Variants in CLTC observed in about 807,000 individuals in gnomAD.
CLTC encodes the protein clathrin heavy chain 1.
In CLTC, 16 loss-of-function variants were observed where a neutral mutation model predicts 195.8. That is an observed-to-expected ratio of 0.08 (90% CI 0.06 to 0.12). CLTC has a LOEUF of 0.12. Among genes scored for constraint, CLTC ranks in the 10% least tolerant of loss-of-function variants. The pLI, the probability that CLTC is intolerant of heterozygous loss-of-function variation, is 1.00. For missense variants in CLTC, 796 were observed against 2,027.0 expected (o/e 0.39, Z 11.66); for synonymous variants, 667 against 689.4 (o/e 0.97, Z 0.51).
intron 5 of CLTC, 44 bp from the exon 6 acceptor site, chr17:59,655,810 T>A (rs1260633435): frequency 6.9e-7 from 1 of 1,443,902 alleles, no homozygotes; most frequent in Non-Finnish European, 9.2e-7. Context: ...ATTTTCTGTT[T>A]GTAGATTCAT....
intron 1 of CLTC, among the ~76,000 whole-genome samples, chr17:59,634,239 G>A (rs1231764028): frequency 6.6e-6 from 1 of 152,060 alleles, no homozygotes; most frequent in Non-Finnish European, 1.5e-5. Context: ...CATTTGGTAG[G>A]TTTGGATATA....
chr17:59,636,784 T>TG (rs1163207188), intron 1 of CLTC, among the ~76,000 whole-genome samples: 2 of 151,036 alleles, frequency 1.3e-5, no homozygotes, highest in African/African-American at 4.9e-5. Flanking sequence ...CTTTTTGAGA[T>TG]GGAGTTTCAC....
At chr17:59,628,807 C>T (rs1024670315) in intron 1 of CLTC, among the ~76,000 whole-genome samples, 4 of 152,034 alleles carry the variant, frequency 2.6e-5, no homozygotes, top group Non-Finnish European at 4.4e-5. Context: ...TACAGGGGCC[C>T]GCCACCAGGC....
At chr17:59,620,389 G>T (rs1196925905) in intron 1 of CLTC, among the ~76,000 whole-genome samples, 3 of 152,134 alleles carry the variant, frequency 2.0e-5, no homozygotes, top group Non-Finnish European at 2.9e-5. Context: ...GCAAAGAGCT[G>T]CAAGGACCAG....
intron 15 of CLTC, among the ~76,000 whole-genome samples, chr17:59,674,144 G>A (rs1305293387): frequency 6.6e-6 from 1 of 151,554 alleles, no homozygotes; most frequent in Admixed American, 6.6e-5. Flanking sequence ...ACTCAGGGAA[G>A]GGGGAAAAAA....
At chr17:59,690,815 C>A in intron 31 of CLTC, 104 bp downstream of exon 31, 2 of 825,490 alleles carry the variant, frequency 2.4e-6, no homozygotes, top group Non-Finnish European at 3.8e-6. Context: ...GTGCAAAAGG[C>A]TTTCTAAGAA....
intron 31 of CLTC, among the ~76,000 whole-genome samples, chr17:59,691,641 A>C (rs2033303009): frequency 1.4e-5 from 2 of 147,510 alleles, no homozygotes; most frequent in South Asian, 4.2e-4. Context: ...AAATATATAT[A>C]TATATATACA....
intron 16 of CLTC, among the ~76,000 whole-genome samples, chr17:59,676,528 A>C (rs1163784770): frequency 5.3e-5 from 8 of 152,244 alleles, no homozygotes; most frequent in Non-Finnish European, 1.2e-4. Context: ...TCTTTTATTC[A>C]GATATAAGGA....
At chr17:59,655,463 G>A (rs1051273876) in intron 5 of CLTC, among the ~76,000 whole-genome samples, 27 of 152,310 alleles carry the variant, frequency 1.8e-4, no homozygotes, top group Non-Finnish European at 3.2e-4. Flanking sequence ...TAATGAAAAC[G>A]TGACACAGAG....
At chr17:59,688,627 T>G (rs989501413) in intron 30 of CLTC, among the ~76,000 whole-genome samples, 1 of 152,246 alleles carries the variant, frequency 6.6e-6, no homozygotes, top group Non-Finnish European at 1.5e-5. Flanking sequence ...AGCTTGATGC[T>G]ATTCCTTCAG....
At chr17:59,664,030 A>T (rs1275367196) in intron 9 of CLTC, 36 bp downstream of exon 9, 1 of 1,567,830 alleles carries the variant, frequency 6.4e-7, no homozygotes, top group Non-Finnish European at 8.7e-7. Flanking sequence ...GCATGAATTC[A>T]TTGAAGCATT....
chr17:59,674,569 A>T, intron 15 of CLTC, 132 bp from the exon 16 acceptor site: 1 of 751,140 alleles, frequency 1.3e-6, no homozygotes, highest in Non-Finnish European at 2.1e-6. Flanking sequence ...CCCTCAGTTT[A>T]TTACTGAATT....
chr17:59,662,849 AG>A (rs1211883540), intron 8 of CLTC, among the ~76,000 whole-genome samples: 1 of 152,210 alleles, frequency 6.6e-6, no homozygotes. Flanking sequence ...CTGAGGCAAA[AG>A]GATCACTTGA....
intron 16 of CLTC, among the ~76,000 whole-genome samples, chr17:59,675,451 T>TA (rs2032945515): frequency 6.6e-6 from 1 of 152,230 alleles, no homozygotes; most frequent in East Asian, 1.9e-4. Context: ...GGTGAGGTGG[T>TA]ATGCTAGTGG....
At chr17:59,625,673 A>G (rs963762170) in intron 1 of CLTC, among the ~76,000 whole-genome samples, 2 of 152,204 alleles carry the variant, frequency 1.3e-5, no homozygotes, top group African/African-American at 2.4e-5. Flanking sequence ...AAAAATGAAG[A>G]AAAAGGAAAG....
chr17:59,652,561 G>A (rs1469656816), intron 5 of CLTC, among the ~76,000 whole-genome samples: 2 of 152,132 alleles, frequency 1.3e-5, no homozygotes, highest in Non-Finnish European at 2.9e-5. Context: ...ATCTCCATTA[G>A]AGCTCTTGGG....
chr17:59,681,540 T>C lies in CLTC; in HGVS notation c.3249+62T>C. On this transcript the variant is annotated intron_variant, in intron 20 of 31. Transcript: ENST00000269122. This position sits in a 1 kb window ranked among gnomAD's most constrained non-coding sequence, Gnocchi z 5.0. ...ACTGTGCTATGAGGGTGGGCCTAAT[T>C]GGTTGCTACGGCAATAGAGCAGCAA... 1 of 1,584,950 alleles carries C rather than the reference T, an allele frequency of 6.3e-7. No individual in the cohort carries two copies. Among genetic ancestry groups the C allele is most frequent in the Non-Finnish European group, 8.6e-7 (1 of 1,158,090 alleles).
intron 30 of CLTC, among the ~76,000 whole-genome samples, chr17:59,688,074 T>G (rs1267314207): frequency 2.0e-5 from 3 of 152,208 alleles, no homozygotes; most frequent in African/African-American, 4.8e-5. Context: ...CAGCAGCTAG[T>G]AAGCAAGGCA....
intron 10 of CLTC, among the ~76,000 whole-genome samples, chr17:59,665,695 G>GC (rs2032713711): frequency 6.6e-6 from 1 of 152,006 alleles, no homozygotes; most frequent in African/African-American, 2.4e-5. Flanking sequence ...CAAAAAATTA[G>GC]CTAGGTGTGG....
Sources: allele counts gnomAD v4.1 joint callset (sites outside exome capture counted in the v4.1 genomes callset), GRCh38; gene constraint gnomAD v4.1.1; non-coding constraint Gnocchi (gnomAD v3.1); transcripts MANE v1.5; gene names NCBI Gene and HGNC (gene_info 2026-07-23, HGNC 2026-07-21).